Variants in LRRC69 observed in about 807,000 individuals in gnomAD.
The protein encoded by LRRC69 is leucine rich repeat containing 69, also known as leucine-rich repeat-containing protein 69.
In LRRC69, 42 loss-of-function variants were observed where a neutral mutation model predicts 37.8. The observed-to-expected ratio is 1.11, with a 90% CI of 0.87 to 1.44. LRRC69 has a LOEUF of 1.44. LRRC69 is among the 40% of genes most tolerant of loss of function. The pLI is 0.00. For missense variants in LRRC69, 357 were observed against 401.9 expected, an observed-to-expected ratio of 0.89 and a Z score of 0.96; for synonymous variants, 141 against 143.1, an observed-to-expected ratio of 0.99 and a Z score of 0.11.
intron 5 of LRRC69, among the ~76,000 whole-genome samples, chr8:91,161,669 A>G (rs1199567786): frequency 6.6e-6 from 1 of 151,074 alleles, no homozygotes; most frequent in African/African-American, 2.4e-5. Flanking sequence ...ATGTATTGGA[A>G]TCTTCTGTCT....
At chr8:91,129,183 C>G (rs1813766428) in intron 3 of LRRC69, among the ~76,000 whole-genome samples, 1 of 151,920 alleles carries the variant, frequency 6.6e-6, no homozygotes, top group South Asian at 2.1e-4. Context: ...AGGAAGAGGA[C>G]AGCATGGGCA....
intron 5 of LRRC69, among the ~76,000 whole-genome samples, chr8:91,188,326 CTGGTCTCAAATTA>C (rs1371946792): frequency 2.0e-5 from 3 of 152,148 alleles, no homozygotes; most frequent in African/African-American, 7.2e-5. Flanking sequence ...GTTTCAAATT[CTGGTCTCAAATTA>C]TGGAAATATC....
At position 91,135,654 on chromosome 8, in the gene LRRC69, G is replaced by T. The variant is rs1032341701; in HGVS notation, c.580-14G>T. On this transcript the variant is annotated splice_polypyrimidine_tract_variant and intron_variant, in intron 4 of 7. Coordinates refer to ENST00000448384, the Ensembl canonical transcript of LRRC69. ...TAGATTTAAAAAATCTCTCTCTTCT[G>T]TTTTCTGACACAGGAACTTTGTGAT... 6 of 1,424,548 alleles carry T rather than the reference G, an allele frequency of 4.2e-6. No individual in the cohort carries two copies. The African/African-American group carries it at 9.0e-5, about 21-fold the overall frequency. 88.2% of individuals were successfully genotyped at this position (1,424,548 alleles called of 1,614,324 possible).
chr8:91,160,285 A>C (rs1808915463), intron 5 of LRRC69, among the ~76,000 whole-genome samples: 1 of 150,086 alleles, frequency 6.7e-6, no homozygotes, highest in East Asian at 2.0e-4. Context: ...TTTTTGGCGG[A>C]ATCTTTAGTT....
At chr8:91,185,483 G>A (rs1289578014) in intron 5 of LRRC69, among the ~76,000 whole-genome samples, 3 of 152,116 alleles carry the variant, frequency 2.0e-5, no homozygotes, top group Admixed American at 2.0e-4. Flanking sequence ...GAAGTATTCA[G>A]CAGATACTGA....
chr8:91,135,636 A>T, intron 4 of LRRC69, 32 bp from the exon 5 acceptor site: 2 of 1,307,548 alleles, frequency 1.5e-6, no homozygotes, highest in Non-Finnish European at 2.1e-6. Context: ...TATTAGATTT[A>T]AAAAATCTCT....
intron 6 of LRRC69, among the ~76,000 whole-genome samples, chr8:91,194,768 A>G (rs1054332771): frequency 7.2e-5 from 11 of 151,776 alleles, no homozygotes; most frequent in South Asian, 2.1e-4. Flanking sequence ...TGGTCTATCT[A>G]TTTTGTTGAT....
At chr8:91,155,303 A>G (rs1415494685) in intron 5 of LRRC69, among the ~76,000 whole-genome samples, 1 of 150,996 alleles carries the variant, frequency 6.6e-6, no homozygotes, top group African/African-American at 2.4e-5. Context: ...GACAATTTAA[A>G]ACTTTCTATT....
intron 5 of LRRC69, among the ~76,000 whole-genome samples, chr8:91,168,601 A>C (rs1005981226): frequency 1.3e-5 from 2 of 151,962 alleles, no homozygotes; most frequent in African/African-American, 4.8e-5. Context: ...CGAAGACAAC[A>C]ACCTACCTGC....
At chr8:91,153,808 A>G (rs1808784607) in intron 5 of LRRC69, among the ~76,000 whole-genome samples, 1 of 152,000 alleles carries the variant, frequency 6.6e-6, no homozygotes, top group South Asian at 2.1e-4. Context: ...AAAGAACTAG[A>G]GAAGCAAGAG....
intron 1 of LRRC69, among the ~76,000 whole-genome samples, chr8:91,114,046 T>A (rs1314695378): frequency 7.9e-6 from 1 of 126,278 alleles, no homozygotes; most frequent in Non-Finnish European, 1.7e-5. Context: ...AAATAGCCAA[T>A]AGGTATATGA....
At chr8:91,186,026 T>C (rs1350899609) in intron 5 of LRRC69, among the ~76,000 whole-genome samples, 1 of 152,234 alleles carries the variant, frequency 6.6e-6, no homozygotes, top group African/African-American at 2.4e-5. Context: ...GCTAAATTTG[T>C]ATATTCTTCC....
intron 5 of LRRC69, chr8:91,157,435 G>A (rs1808856027): frequency 6.2e-7 from 1 of 1,606,480 alleles, no homozygotes; most frequent in East Asian, 2.2e-5. Flanking sequence ...TATATTCACT[G>A]GGCTTATTGG....
intron 5 of LRRC69, among the ~76,000 whole-genome samples, chr8:91,172,378 T>G (rs1274115336): frequency 6.6e-6 from 1 of 152,052 alleles, no homozygotes; most frequent in Non-Finnish European, 1.5e-5. Context: ...CATTTCCAAG[T>G]TTTCTAATTG....
intron 7 of LRRC69, among the ~76,000 whole-genome samples, chr8:91,204,805 T>A (rs1381013325): frequency 6.6e-6 from 1 of 152,270 alleles, no homozygotes; most frequent in Non-Finnish European, 1.5e-5. Context: ...TTCTCAAAAC[T>A]GTAATTGTGA....
Position 91,194,701 on chromosome 8 carries a change from T to A in LRRC69, c.753+5078T>A, listed in dbSNP as rs142843386. On this transcript the variant is annotated intron_variant, in intron 6 of 7. Coordinates refer to ENST00000448384, the Ensembl canonical transcript of LRRC69. ...GTGGGATCGGTGATGATATCCCCTT[T>A]ATCATTTTTTATTGCGTCTATTTGA... Among the ~76,000 whole-genome samples the A allele has an allele frequency of 4.2e-3, 639 of 152,298 alleles. 2 individuals carry two copies. Among genetic ancestry groups the A allele is most frequent in the African/African-American group, 0.014 (601 of 41,532 alleles).
chr8:91,144,855 C>T (rs1317735729), intron 5 of LRRC69, among the ~76,000 whole-genome samples: 2 of 151,794 alleles, frequency 1.3e-5, no homozygotes, highest in Non-Finnish European at 2.9e-5. Flanking sequence ...ATTTTTTGTG[C>T]TTAATACAAA....
intron 5 of LRRC69, among the ~76,000 whole-genome samples, chr8:91,162,090 T>C (rs1411351417): frequency 1.3e-5 from 2 of 151,480 alleles, no homozygotes; most frequent in East Asian, 1.9e-4. Flanking sequence ...TATTGATTCA[T>C]AGTTTTATTC....
chr8:91,161,559 T>C (rs1184667146), intron 5 of LRRC69, among the ~76,000 whole-genome samples: 1 of 151,240 alleles, frequency 6.6e-6, no homozygotes, highest in Non-Finnish European at 1.5e-5. Flanking sequence ...CTGTTTTCTC[T>C]AGGTTTTCCA....
Sources: allele counts gnomAD v4.1 joint callset (sites outside exome capture counted in the v4.1 genomes callset), GRCh38; gene constraint gnomAD v4.1.1; transcripts MANE v1.5; gene names NCBI Gene and HGNC (gene_info 2026-07-23, HGNC 2026-07-21).